RAD17: variants seen among roughly 807,000 people sequenced by gnomAD.
RAD17 encodes the protein RAD17 checkpoint clamp loader component.
RAD17 carries 31 observed loss-of-function variants against 81.5 expected under a neutral mutation model. That is an observed-to-expected ratio of 0.38 (90% CI 0.29 to 0.51). RAD17 has a LOEUF of 0.51. Among genes scored for constraint, RAD17 ranks in the 20% least tolerant of loss-of-function variants. The pLI, the probability that RAD17 is intolerant of heterozygous loss-of-function variation, is 0.88. For synonymous variants in RAD17, 261 were observed against 266.2 expected (o/e 0.98, Z 0.19); for missense variants, 681 against 781.2 (o/e 0.87, Z 1.53).
intron 6 of RAD17, 115 bp downstream of exon 6, chr5:69,374,826 T>G (rs1763239276): frequency 2.2e-6 from 2 of 896,252 alleles, no homozygotes; most frequent in Non-Finnish European, 1.7e-6. Context: ...CTAGATCTCC[T>G]GCAGTAGAAA....
At chr5:69,387,663 G>T (rs1428914299) in intron 11 of RAD17, among the ~76,000 whole-genome samples, 1 of 152,272 alleles carries the variant, frequency 6.6e-6, no homozygotes, top group East Asian at 1.9e-4. Context: ...TTCATGACCA[G>T]CCTGGCCAAC....
intron 12 of RAD17, among the ~76,000 whole-genome samples, chr5:69,389,880 C>G (rs995603575): frequency 1.3e-5 from 2 of 152,144 alleles, no homozygotes; most frequent in South Asian, 4.1e-4. Flanking sequence ...TCGTGATCCG[C>G]CCGCCTCGGC....
chr5:69,398,317 GAGA>G lies in RAD17; in HGVS notation c.1573-1727_1573-1725del, dbSNP rs1765031370. On this transcript the variant is annotated intron_variant, in intron 16 of 18. Coordinates refer to ENST00000354868, the MANE Select transcript of RAD17 (RefSeq NM_133338.3). Reference sequence around the variant, plus strand: ...GTCAATTTAAATTAATCAAAGAAAGGAGAAGAAATCTTGGCCTTGCCTCTATAT... The same window carrying G: ...GTCAATTTAAATTAATCAAAGAAAGGAGAAATCTTGGCCTTGCCTCTATAT... Among the ~76,000 whole-genome samples, 4 of 152,204 alleles carry G rather than the reference GAGA, an allele frequency of 2.6e-5. No individual in the cohort carries two copies. In the South Asian group the frequency reaches 8.3e-4, roughly 32 times the overall value.
intron 17 of RAD17, among the ~76,000 whole-genome samples, chr5:69,402,403 C>T (rs1394643626): frequency 6.6e-6 from 1 of 150,982 alleles, no homozygotes; most frequent in African/African-American, 2.5e-5. Flanking sequence ...CAGTGGTTCA[C>T]GCCTGTAATC....
Position 69,384,913 on chromosome 5 carries a change from A to G in RAD17, c.625A>G (p.Lys209Glu), listed in dbSNP as rs761931099. 8 of 1,606,236 alleles carry G rather than the reference A, an allele frequency of 5.0e-6. No homozygotes were observed. The highest frequency in any genetic ancestry group is 6.8e-6 in the Non-Finnish European group (8 of 1,177,292). ...QMLGDDLRTD[K>E]KIILVEDLPN... ...GCTTGGAGATGATCTGAGAACTGAT[A>G]AGAAGATAATTCTGGTTGAAGTAAG... is the stretch of plus-strand genomic sequence containing the variant. The change falls in exon 8 of 19, where the codon AAG (lysine) becomes GAG (glutamate). Residue 209 changes from lysine to glutamate, a missense_variant. Lys to Glu is a moderately conservative substitution (Grantham distance 56, BLOSUM62 1). Transcript: ENST00000354868.
chr5:69,414,169 G>C lies in RAD17; in HGVS notation c.1890G>C (p.Trp630Cys), dbSNP rs1381246928. The change falls in exon 19 of 19, where the codon TGG becomes TGC. Residue 630 changes from tryptophan (W) to cysteine (C), a missense_variant. Physicochemically the swap from Trp to Cys is radical, Grantham distance 215. Coordinates refer to ENST00000354868, the MANE Select transcript of RAD17 (RefSeq NM_133338.3). ...EPTQATVPET[W>C]SLPLSQNSAS... ...CTCAAGCCACTGTGCCGGAAACCTG[G>C]TCTCTTCCTTTGAGTCAGAATAGTG... 2 of 1,614,094 alleles carry C rather than the reference G, an allele frequency of 1.2e-6. No individual in the cohort carries two copies. The highest frequency in any genetic ancestry group is 1.3e-5 in the African/African-American group (1 of 74,930).
At chr5:69,401,359 T>TA (rs1407503658) in intron 17 of RAD17, among the ~76,000 whole-genome samples, 1 of 152,240 alleles carries the variant, frequency 6.6e-6, no homozygotes, top group Admixed American at 6.5e-5. Flanking sequence ...TTATGTCACT[T>TA]ACTGTGGATA....
rs542112130 is a variant in RAD17, at chr5:69,407,677, A to G, written c.1694-2816A>G. Among the ~76,000 whole-genome samples the G allele has an allele frequency of 4.8e-5, 7 of 144,614 alleles. No individual in the cohort carries two copies. In the South Asian group the frequency reaches 1.5e-3, roughly 31 times the overall value. 94.9% of individuals were successfully genotyped at this position (144,614 alleles called of 152,430 possible). ...CTGCAATCTCCACCTCCTGAGTTCA[A>G]GCAATTCTCCTGCCTCAACCCCCTG... On this transcript the variant is annotated intron_variant, in intron 17 of 18. Transcript: ENST00000354868.
intron 11 of RAD17, among the ~76,000 whole-genome samples, chr5:69,388,097 C>T (rs1764327699): frequency 6.6e-6 from 1 of 152,310 alleles, no homozygotes; most frequent in Admixed American, 6.5e-5. Context: ...GTAGTCCCAG[C>T]TACAAAGGCT....
At chr5:69,406,061 T>C (rs1015881313) in intron 17 of RAD17, among the ~76,000 whole-genome samples, 1 of 148,810 alleles carries the variant, frequency 6.7e-6, no homozygotes, top group Non-Finnish European at 1.5e-5. Flanking sequence ...AAAAAAAGAA[T>C]ATGAAGTCAG....
chr5:69,381,257 A>T (rs1763838815), intron 6 of RAD17, among the ~76,000 whole-genome samples: 1 of 151,980 alleles, frequency 6.6e-6, no homozygotes, highest in Admixed American at 6.6e-5. Flanking sequence ...ATGGCGGGCA[A>T]ATCACGAGGT....
intron 14 of RAD17, 51 bp downstream of exon 14, chr5:69,393,291 T>C: frequency 6.4e-7 from 1 of 1,564,158 alleles, no homozygotes. Context: ...ATATTATTCG[T>C]GTGCATATAT....
chr5:69,388,040 C>T (rs954392696), intron 11 of RAD17, among the ~76,000 whole-genome samples: 1 of 152,076 alleles, frequency 6.6e-6, no homozygotes, highest in Non-Finnish European at 1.5e-5. Context: ...CATCTACATT[C>T]TCTACTATAA....
intron 11 of RAD17, among the ~76,000 whole-genome samples, chr5:69,388,084 C>G (rs1205037110): frequency 6.6e-6 from 1 of 152,134 alleles, no homozygotes; most frequent in East Asian, 1.9e-4. Flanking sequence ...ATGGTGCATG[C>G]CTGTAGTCCC....
rs557370405 is a variant in RAD17, at chr5:69,389,135, T to G, written c.996T>G (p.Ser332=). ...GTGCAATAAACAGCCTCCAGTTTTC[T>G]TCTTCAAAAGGTAACTATGGAAGAT... ...IRSAINSLQF[S]SSKGENNLRP... is the part of the protein sequence containing the mutation. The change falls in exon 12 of 19, where the codon TCT becomes TCG. Residue 332 remains serine, a synonymous_variant. Transcript: ENST00000354868. 6.3e-7 allele frequency: 1 copy of G among 1,578,734 alleles called. No individual in the cohort carries two copies. Among genetic ancestry groups the G allele is most frequent in the South Asian group, 1.2e-5 (1 of 85,284 alleles).
intron 17 of RAD17, among the ~76,000 whole-genome samples, chr5:69,405,633 C>T (rs1410765015): frequency 2.0e-5 from 3 of 151,776 alleles, no homozygotes; most frequent in African/African-American, 7.3e-5. Flanking sequence ...CGCCATTGCA[C>T]CCCAGCCTGG....
At chr5:69,389,887 C>T (rs299083) in intron 12 of RAD17, among the ~76,000 whole-genome samples, 75,240 of 152,038 alleles carry the variant, frequency 0.49, 18,673 homozygotes, top group South Asian at 0.54. Flanking sequence ...CCGCCCGCCT[C>T]GGCCTCCCAA....
intron 17 of RAD17, among the ~76,000 whole-genome samples, chr5:69,405,538 A>G (rs1299889937): frequency 6.6e-6 from 1 of 152,070 alleles, no homozygotes; most frequent in Admixed American, 6.6e-5. Context: ...GTGGTGGCAC[A>G]TGCCTGTAAT....
Position 69,386,007 on chromosome 5 carries a change from A to G in RAD17, c.646-36A>G, listed in dbSNP as rs751078677. On this transcript the variant is annotated intron_variant, in intron 8 of 18. Coordinates refer to ENST00000354868, the MANE Select transcript of RAD17 (RefSeq NM_133338.3). ...TTGAAAAATAAATTTGCAATGGAAT[A>G]AAACTATACTATTATTTATTTTTTA... is the stretch of plus-strand genomic sequence containing the variant. The G allele has an allele frequency of 3.4e-6, 5 of 1,472,600 alleles. No individual in the cohort carries two copies. In the Admixed American group the frequency reaches 9.9e-5, roughly 29 times the overall value. 91.2% of individuals were successfully genotyped at this position (1,472,600 alleles called of 1,614,324 possible). A position where few individuals can be genotyped will look rare whatever the true frequency, so the allele number is the denominator to read the frequency against.
Sources: allele counts gnomAD v4.1 joint callset (sites outside exome capture counted in the v4.1 genomes callset), GRCh38; gene constraint gnomAD v4.1.1; transcripts MANE v1.5; gene names NCBI Gene and HGNC (gene_info 2026-07-23, HGNC 2026-07-21).